SLC25A48: variants seen among roughly 807,000 people sequenced by gnomAD.
SLC25A48 encodes solute carrier family 25 member 48, also known as CTC-321K16.1.
Under a neutral mutation model 32.2 loss-of-function variants are expected in SLC25A48, and 29 were observed. That is an observed-to-expected ratio of 0.90 (90% CI 0.67 to 1.23). The LOEUF (loss-of-function observed/expected upper bound fraction) is 1.23, where lower values mean the gene tolerates loss of function less well. Ranked by LOEUF, SLC25A48 falls within the 50% of genes most tolerant of loss-of-function variation. The pLI is 0.00. For missense variants in SLC25A48, 399 were observed against 422.7 expected, an observed-to-expected ratio of 0.94 and a Z score of 0.49; for synonymous variants, 164 against 172.3, an observed-to-expected ratio of 0.95 and a Z score of 0.38.
chr5:135,863,372 C>T (rs1262082648), intron 4 of SLC25A48, among the ~76,000 whole-genome samples: 1 of 152,114 alleles, frequency 6.6e-6, no homozygotes, highest in Non-Finnish European at 1.5e-5. Context: ...TGTGAGATTG[C>T]ACCTGGAAGC....
chr5:135,612,085 C>T (rs767180770), intron 1 of SLC25A48, among the ~76,000 whole-genome samples: 6 of 152,056 alleles, frequency 3.9e-5, no homozygotes, highest in Non-Finnish European at 5.9e-5. Context: ...TGCTATAATA[C>T]AAAATATTTC....
intron 2 of SLC25A48, among the ~76,000 whole-genome samples, chr5:135,631,366 A>G (rs1413678644): frequency 1.3e-5 from 2 of 152,216 alleles, no homozygotes; most frequent in African/African-American, 4.8e-5. Flanking sequence ...TGCGCAGGTT[A>G]TGCTCTAACT....
upstream of SLC25A48, among the ~76,000 whole-genome samples, chr5:135,829,994 C>T (rs1001840596): frequency 2.6e-5 from 3 of 113,864 alleles, no homozygotes; most frequent in Non-Finnish European, 3.9e-5. Flanking sequence ...TTCAAGGCTT[C>T]GATAGATCTA....
intron 1 of SLC25A48, among the ~76,000 whole-genome samples, chr5:135,627,072 G>C (rs1445247435): frequency 3.3e-5 from 5 of 152,184 alleles, no homozygotes; most frequent in Non-Finnish European, 7.3e-5. Context: ...CGCAGAGGGA[G>C]GGAGGTGCTT....
chr5:135,840,665 T>C (rs1758915080), intron 1 of SLC25A48, among the ~76,000 whole-genome samples: 1 of 152,258 alleles, frequency 6.6e-6, no homozygotes, highest in African/African-American at 2.4e-5. Flanking sequence ...AGTCACACAA[T>C]ACCTTGCCTT....
chr5:135,633,248 T>G (rs892269924), intron 2 of SLC25A48, among the ~76,000 whole-genome samples: 1 of 152,072 alleles, frequency 6.6e-6, no homozygotes, highest in Non-Finnish European at 1.5e-5. Context: ...ACTGTGTGCT[T>G]GAGGCATAGT....
At chr5:135,783,545 C>G (rs546986818) in intron 3 of SLC25A48, among the ~76,000 whole-genome samples, 4 of 118,600 alleles carry the variant, frequency 3.4e-5, no homozygotes, top group African/African-American at 1.0e-4. Context: ...CCCAGTATGG[C>G]AGGGGGTGTA....
At chr5:135,586,060 G>T (rs1431214449) in intron 1 of SLC25A48, among the ~76,000 whole-genome samples, 4 of 152,164 alleles carry the variant, frequency 2.6e-5, no homozygotes, top group Non-Finnish European at 5.9e-5. Flanking sequence ...CACAAAGTAG[G>T]TTATCCCCAT....
chr5:135,658,532 G>T (rs1288849202), intron 3 of SLC25A48, among the ~76,000 whole-genome samples: 1 of 152,160 alleles, frequency 6.6e-6, no homozygotes, highest in Non-Finnish European at 1.5e-5. Flanking sequence ...CCATTCTGGG[G>T]TCTGGAGGAT....
chr5:135,609,595 C>T (rs1029271583), intron 1 of SLC25A48: 5 of 152,100 alleles, frequency 3.3e-5, no homozygotes. Context: ...AGTTGCAGAA[C>T]CATATTCCAG....
chr5:135,633,002 T>C (rs1245770511), intron 2 of SLC25A48, among the ~76,000 whole-genome samples: 1 of 152,154 alleles, frequency 6.6e-6, no homozygotes, highest in Non-Finnish European at 1.5e-5. Flanking sequence ...CAAGAAATGA[T>C]CTGTTGTGAC....
At chr5:135,761,174 G>A (rs1756051009) in intron 3 of SLC25A48, among the ~76,000 whole-genome samples, 1 of 152,028 alleles carries the variant, frequency 6.6e-6, no homozygotes, top group African/African-American at 2.4e-5. Context: ...AATTAGCCGG[G>A]CATGGTGGCG....
At chr5:135,749,999 A>T (rs1755732292) in intron 3 of SLC25A48, among the ~76,000 whole-genome samples, 1 of 152,022 alleles carries the variant, frequency 6.6e-6, no homozygotes, top group Admixed American at 6.6e-5. Context: ...GACACCATCC[A>T]TCGTCTGTCT....
chr5:135,605,419 A>G (rs1751912355), intron 1 of SLC25A48, among the ~76,000 whole-genome samples: 1 of 152,102 alleles, frequency 6.6e-6, no homozygotes, highest in Non-Finnish European at 1.5e-5. Flanking sequence ...TGCCTGTTTG[A>G]CTGCCTTGTC....
intron 3 of SLC25A48, among the ~76,000 whole-genome samples, chr5:135,658,777 T>G (rs1489237777): frequency 6.6e-6 from 1 of 152,180 alleles, no homozygotes. Flanking sequence ...GGACCAATAC[T>G]CCATAGAAGC....
chr5:135,749,316 C>G (rs1426800823), intron 3 of SLC25A48, among the ~76,000 whole-genome samples: 8 of 151,770 alleles, frequency 5.3e-5, no homozygotes, highest in Non-Finnish European at 1.2e-4. Context: ...ATGAAGTAAA[C>G]CTTCTCTCAA....
chr5:135,718,489 A>G (rs1338615361), intron 3 of SLC25A48, among the ~76,000 whole-genome samples: 1 of 152,202 alleles, frequency 6.6e-6, no homozygotes, highest in East Asian at 1.9e-4. Flanking sequence ...TCTTCTGTAA[A>G]ATGGGAATAA....
At chr5:135,723,462 C>A (rs1463221458) in intron 3 of SLC25A48, among the ~76,000 whole-genome samples, 1 of 149,866 alleles carries the variant, frequency 6.7e-6, no homozygotes, top group Non-Finnish European at 1.5e-5. Context: ...ATGCATTCCC[C>A]TGCAATCCCT....
chr5:135,809,384 T>C (rs1022785308), intron 3 of SLC25A48, among the ~76,000 whole-genome samples: 1 of 152,202 alleles, frequency 6.6e-6, no homozygotes, highest in African/African-American at 2.4e-5. Context: ...CATTCATTCA[T>C]TCATTCAATA....
Sources: allele counts gnomAD v4.1 joint callset (sites outside exome capture counted in the v4.1 genomes callset), GRCh38; gene constraint gnomAD v4.1.1; transcripts MANE v1.5; gene names NCBI Gene and HGNC (gene_info 2026-07-23, HGNC 2026-07-21).